CFAP144: variants seen among roughly 807,000 people sequenced by gnomAD.
CFAP144 encodes the protein cilia and flagella associated protein 144, also known as cilia- and flagella-associated protein 144.
At chr1:43,145,083 G>A in the CFAP144 span, 82 of 626,764 alleles carry the variant, frequency 1.3e-4, no homozygotes, top group Admixed American at 3.5e-4. Flanking sequence ...ATTCCCGTCT[G>A]GGCAATCCTC....
chr1:43,152,819 G>A, the CFAP144 span: 37 of 1,602,488 alleles, frequency 2.3e-5, no homozygotes, highest in South Asian at 3.3e-5. Flanking sequence ...CTCATACCTC[G>A]TCTCCCAGCC....
the CFAP144 span, chr1:43,156,118 C>A: frequency 9.5e-7 from 1 of 1,049,978 alleles, no homozygotes; most frequent in Non-Finnish European, 1.5e-6. Context: ...GAGGGTGGAG[C>A]CTGATATAAG....
At chr1:43,146,825 C>A in the CFAP144 span, among the ~76,000 whole-genome samples, 8 of 152,312 alleles carry the variant, frequency 5.3e-5, no homozygotes, top group South Asian at 1.7e-3. Flanking sequence ...TGGCTTCTTT[C>A]TTTATGCTAG....
At chr1:43,145,304 C>G in the CFAP144 span, 1 of 1,547,088 alleles carries the variant, frequency 6.5e-7, no homozygotes. Flanking sequence ...GAGGGTAAGT[C>G]TTGTCGATCT....
chr1:43,148,094 ACGG>A, the CFAP144 span: 1 of 1,606,790 alleles, frequency 6.2e-7, no homozygotes, highest in South Asian at 1.1e-5. Context: ...AGTGAGAGGC[ACGG>A]CGGGGTGGGG....
the CFAP144 span, among the ~76,000 whole-genome samples, chr1:43,154,231 T>C: frequency 6.9e-6 from 1 of 144,614 alleles, no homozygotes; most frequent in African/African-American, 2.5e-5. Flanking sequence ...TAAATTTTTA[T>C]ATAAAAATTA....
the CFAP144 span, among the ~76,000 whole-genome samples, chr1:43,144,656 C>T: frequency 2.0e-5 from 3 of 152,098 alleles, no homozygotes; most frequent in South Asian, 4.1e-4. Flanking sequence ...ATGTCAGCCC[C>T]GCCCACTACC....
At chr1:43,155,062 A>G in the CFAP144 span, among the ~76,000 whole-genome samples, 1 of 152,184 alleles carries the variant, frequency 6.6e-6, no homozygotes, top group African/African-American at 2.4e-5. Context: ...TTTTTGCTAG[A>G]ATTGGACAAT....
the CFAP144 span, among the ~76,000 whole-genome samples, chr1:43,152,344 T>A: frequency 6.6e-6 from 1 of 152,216 alleles, no homozygotes; most frequent in Non-Finnish European, 1.5e-5. Context: ...TCAGGACCTT[T>A]GCTCTTGCTG....
the CFAP144 span, among the ~76,000 whole-genome samples, chr1:43,153,482 C>T: frequency 5.9e-5 from 9 of 151,840 alleles, no homozygotes; most frequent in Admixed American, 1.3e-4. Flanking sequence ...TGGTGTCGCA[C>T]GCTTATAGTC....
At chr1:43,146,223 AG>A in the CFAP144 span, among the ~76,000 whole-genome samples, 1 of 152,260 alleles carries the variant, frequency 6.6e-6, no homozygotes, top group Non-Finnish European at 1.5e-5. Context: ...AAACATTAGT[AG>A]GACAAAACAA....
At chr1:43,150,712 G>T in the CFAP144 span, 1 of 1,515,464 alleles carries the variant, frequency 6.6e-7, no homozygotes. Context: ...AGAGGGCAGG[G>T]AACTCATGTT....
chr1:43,155,299 A>G, the CFAP144 span, among the ~76,000 whole-genome samples: 1 of 152,252 alleles, frequency 6.6e-6, no homozygotes, highest in Admixed American at 6.5e-5. Flanking sequence ...GTTAAAGAGT[A>G]AAGACCTGGC....
At chr1:43,151,469 G>C in the CFAP144 span, among the ~76,000 whole-genome samples, 2 of 152,176 alleles carry the variant, frequency 1.3e-5, no homozygotes, top group South Asian at 4.1e-4. Context: ...TAGGAAACAG[G>C]TGCCCCCATC....
At chr1:43,148,603 C>T in the CFAP144 span, among the ~76,000 whole-genome samples, 1 of 152,142 alleles carries the variant, frequency 6.6e-6, no homozygotes, top group African/African-American at 2.4e-5. Flanking sequence ...TCCACACGCC[C>T]AACCACCTCA....
At chr1:43,147,663 C>A in the CFAP144 span, among the ~76,000 whole-genome samples, 1,847 of 152,318 alleles carry the variant, frequency 0.012, 29 homozygotes, top group African/African-American at 0.043. Context: ...CCTTTCCTGG[C>A]GGTATCCAGG....
chr1:43,149,515 C>A, the CFAP144 span, among the ~76,000 whole-genome samples: 1 of 152,222 alleles, frequency 6.6e-6, no homozygotes, highest in Non-Finnish European at 1.5e-5. Flanking sequence ...AGAAAATGTA[C>A]TGTCTTCACT....
the CFAP144 span, among the ~76,000 whole-genome samples, chr1:43,154,256 TA>T: frequency 6.9e-6 from 1 of 144,794 alleles, no homozygotes; most frequent in Non-Finnish European, 1.5e-5. Context: ...AAATATTAAA[TA>T]AAATTTTATA....
the CFAP144 span, chr1:43,150,696 C>A: frequency 2.8e-6 from 4 of 1,430,050 alleles, no homozygotes; most frequent in Non-Finnish European, 3.9e-6. Context: ...TTAAGGTGGA[C>A]CTTAGAGAGG....
Sources: allele counts gnomAD v4.1 joint callset (sites outside exome capture counted in the v4.1 genomes callset), GRCh38; gene constraint gnomAD v4.1.1; transcripts MANE v1.5; gene names NCBI Gene and HGNC (gene_info 2026-07-23, HGNC 2026-07-21).